Variants in AKAP6 observed in about 807,000 individuals in gnomAD.
AKAP6 encodes A-kinase anchor protein 6.
A neutral mutation model predicts 188.5 loss-of-function variants in AKAP6; 58 were observed. The ratio of observed to expected loss-of-function variants is 0.31; its 90% CI spans 0.25 to 0.38. The LOEUF (loss-of-function observed/expected upper bound fraction) is 0.38. Among genes scored for constraint, AKAP6 ranks in the 10% least tolerant of loss-of-function variants. The pLI is 1.00. For synonymous variants in AKAP6, 989 were observed against 998.6 expected, an observed-to-expected ratio of 0.99 and a Z score of 0.18; for missense variants, 2,710 against 2,740.0, an observed-to-expected ratio of 0.99 and a Z score of 0.24.
intron 2 of AKAP6, among the ~76,000 whole-genome samples, chr14:32,478,899 T>C (rs1253352058): frequency 6.6e-6 from 1 of 152,066 alleles, no homozygotes; most frequent in African/African-American, 2.4e-5. Context: ...CCCCTTTGAC[T>C]CAGAATAAAA....
At chr14:32,364,265 A>T (rs1183330159) in intron 1 of AKAP6, among the ~76,000 whole-genome samples, 1 of 152,232 alleles carries the variant, frequency 6.6e-6, no homozygotes, top group Admixed American at 6.5e-5. Context: ...ACAGTTCATT[A>T]TAGTACTTTC....
At chr14:32,571,618 C>G (rs1456064349) in intron 4 of AKAP6, among the ~76,000 whole-genome samples, 7 of 152,204 alleles carry the variant, frequency 4.6e-5, no homozygotes, top group Non-Finnish European at 8.8e-5. Flanking sequence ...GTGGAGGCAG[C>G]TAACTCGATC....
At chr14:32,550,646 C>A (rs1238969493) in intron 4 of AKAP6, among the ~76,000 whole-genome samples, 1 of 152,210 alleles carries the variant, frequency 6.6e-6, no homozygotes, top group Non-Finnish European at 1.5e-5. Context: ...TAGCTTTGGT[C>A]TCCTCCTTAT....
chr14:32,357,542 A>G (rs892852786), intron 1 of AKAP6, among the ~76,000 whole-genome samples: 4 of 152,246 alleles, frequency 2.6e-5, no homozygotes, highest in African/African-American at 9.6e-5. Context: ...AGTCAGGAAT[A>G]TGTGCAAGTC....
chr14:32,731,511 A>G (rs1371927617), intron 9 of AKAP6, among the ~76,000 whole-genome samples: 2 of 152,148 alleles, frequency 1.3e-5, no homozygotes, highest in African/African-American at 2.4e-5. Flanking sequence ...CATGGAACTC[A>G]GTGACCTAAA....
rs1464274010 is a variant in AKAP6, at chr14:32,830,723, T to C, written c.*918T>C. 1 of 152,628 alleles carries C rather than the reference T, an allele frequency of 6.6e-6. No homozygotes were observed. Among genetic ancestry groups the C allele is most frequent in the African/African-American group, 2.4e-5 (1 of 41,448 alleles). 9.5% of individuals were successfully genotyped at this position (152,628 alleles called of 1,614,324 possible). ...ATAAAATGCTTTCATGTTTGTGATGTCTAGTGATGTGGAAAATATAAGCCT... is the reference window on the plus strand; with the variant it reads ...ATAAAATGCTTTCATGTTTGTGATGCCTAGTGATGTGGAAAATATAAGCCT... On this transcript the variant is annotated 3_prime_UTR_variant, in exon 14 of 14. Coordinates refer to ENST00000280979, the MANE Select transcript of AKAP6 (RefSeq NM_004274.5).
intron 2 of AKAP6, among the ~76,000 whole-genome samples, chr14:32,452,972 G>A (rs951954086): frequency 2.0e-5 from 3 of 152,168 alleles, no homozygotes; most frequent in African/African-American, 7.2e-5. Context: ...TCCGTTGTTG[G>A]AAGGATGAAA....
At position 32,492,351 on chromosome 14, in the gene AKAP6, T is replaced by TAGAGAG. The variant is rs1238554275; in HGVS notation, c.325-43202_325-43201insGAGAGA. 2.6e-3 allele frequency among the ~76,000 whole-genome samples: 143 copies of TAGAGAG among 54,934 alleles called. 2 individuals carry two copies. Among genetic ancestry groups the TAGAGAG allele is most frequent in the Non-Finnish European group, 3.0e-3 (67 of 22,126 alleles). The allele number at this position is 54,934 out of a possible 152,430, so 36.0% of individuals were successfully genotyped here. On this transcript the variant is annotated intron_variant, in intron 2 of 13. Coordinates refer to ENST00000280979, the MANE Select transcript of AKAP6 (RefSeq NM_004274.5). Reference sequence around the variant, plus strand: ...AACTACATTGTAATATATATATATATATATAGAGAGAGAGAGAGAGAGAGA... The same window carrying TAGAGAG: ...AACTACATTGTAATATATATATATATAGAGAGATATAGAGAGAGAGAGAGAGAGAGA...
At position 32,837,042 on chromosome 14, in the gene AKAP6, A is replaced by T. The variant is rs887810379; in HGVS notation, c.*7237A>T. ...ATAATGGAACATCAAGGTTTTCCAG[A>T]TAAACCCAAAGCCTTTTGTGTCTAT... On this transcript the variant is annotated 3_prime_UTR_variant, in exon 14 of 14. Coordinates refer to ENST00000280979, the MANE Select transcript of AKAP6 (RefSeq NM_004274.5). 2 of 152,220 alleles carry T rather than the reference A, an allele frequency of 1.3e-5. No homozygotes were observed. The highest frequency in any genetic ancestry group is 2.9e-5 in the Non-Finnish European group (2 of 68,044). The allele number at this position is 152,220 out of a possible 1,614,324, so 9.4% of individuals were successfully genotyped here. A position where few individuals can be genotyped will look rare whatever the true frequency, so the allele number is the denominator to read the frequency against.
intron 13 of AKAP6, among the ~76,000 whole-genome samples, chr14:32,828,940 A>C (rs2140166549): frequency 6.6e-6 from 1 of 152,300 alleles, no homozygotes; most frequent in African/African-American, 2.4e-5. Context: ...TTGTAGAAAA[A>C]CAGAGAGCAA....
At chr14:32,479,098 C>T (rs915458362) in intron 2 of AKAP6, among the ~76,000 whole-genome samples, 16 of 152,094 alleles carry the variant, frequency 1.1e-4, no homozygotes, top group African/African-American at 3.6e-4. Flanking sequence ...AAGTAGACAT[C>T]GACTCACTTT....
In AKAP6 at chr14:32,792,734, A is replaced by T. The variant is rs1044626032; in HGVS notation, c.3588+18841A>T. On this transcript the variant is annotated intron_variant, in intron 12 of 13. Transcript: ENST00000280979. Reference sequence around the variant, plus strand: ...GAATGCTTCTAGCTTTTGCCCATTCAATATGATATTGGCTATGGGTTAGTC... The same window carrying T: ...GAATGCTTCTAGCTTTTGCCCATTCTATATGATATTGGCTATGGGTTAGTC... 5.9e-5 allele frequency among the ~76,000 whole-genome samples: 9 copies of T among 152,344 alleles called. No homozygotes were observed. The South Asian group carries it at 6.2e-4, about 11-fold the overall frequency.
chr14:32,796,732 C>T (rs746357145), intron 12 of AKAP6, among the ~76,000 whole-genome samples: 2 of 152,062 alleles, frequency 1.3e-5, no homozygotes, highest in Non-Finnish European at 2.9e-5. Flanking sequence ...CCATTCAGGA[C>T]ATAGCCATGG....
intron 3 of AKAP6, among the ~76,000 whole-genome samples, chr14:32,541,871 A>G (rs1337870770): frequency 6.6e-6 from 1 of 152,234 alleles, no homozygotes; most frequent in African/African-American, 2.4e-5. Context: ...GTTATGAAGC[A>G]CAAAAGTTAT....
At chr14:32,588,058 T>G (rs1311671442) in intron 5 of AKAP6, among the ~76,000 whole-genome samples, 1 of 152,192 alleles carries the variant, frequency 6.6e-6, no homozygotes, top group Non-Finnish European at 1.5e-5. Flanking sequence ...AAAAATCAAA[T>G]TGTGTTAAAC....
rs142056862 is a variant in AKAP6 at position 32,391,661 on chromosome 14, T to G, written c.-34-41799T>G. Among the ~76,000 whole-genome samples, 1,239 of 152,224 alleles carry G rather than the reference T, an allele frequency of 8.1e-3. 12 individuals are homozygous for G. The highest frequency in any genetic ancestry group is 0.028 in the African/African-American group (1,183 of 41,520). On this transcript the variant is annotated intron_variant, in intron 1 of 13. Transcript: ENST00000280979. ...TGAGCTCTCTTGAGATCTGGTTGTT[T>G]GATGAAAGTGTGTGGAACCTCTAAC... is the stretch of plus-strand genomic sequence containing the variant.
intron 1 of AKAP6, among the ~76,000 whole-genome samples, chr14:32,340,617 T>C (rs1886858794): frequency 6.6e-6 from 1 of 152,258 alleles, no homozygotes; most frequent in African/African-American, 2.4e-5. Flanking sequence ...TAAATTTCCT[T>C]AGTGTGCTCA....
chr14:32,708,935 C>G (rs1170657465), intron 9 of AKAP6, among the ~76,000 whole-genome samples: 1 of 152,012 alleles, frequency 6.6e-6, no homozygotes, highest in South Asian at 2.1e-4. Context: ...GTACTAAAGA[C>G]CCATTCTGTG....
intron 2 of AKAP6, among the ~76,000 whole-genome samples, chr14:32,496,875 A>T (rs766084864): frequency 6.6e-6 from 1 of 152,196 alleles, no homozygotes; most frequent in African/African-American, 2.4e-5. Flanking sequence ...TAATTGAAGT[A>T]TGAGAGCTGT....
Sources: gnomAD v4.1 joint callset for allele counts (sites outside exome capture counted in the v4.1 genomes callset) on GRCh38, gnomAD v4.1.1 for gene constraint, MANE v1.5 for transcripts, NCBI Gene and HGNC (gene_info 2026-07-23, HGNC 2026-07-21) for gene names.